L3MBTL4: variants seen among roughly 807,000 people sequenced by gnomAD.
L3MBTL4 encodes the protein lethal(3)malignant brain tumor-like protein 4.
A neutral mutation model predicts 84.5 loss-of-function variants in L3MBTL4; 70 were observed. The ratio of observed to expected loss-of-function variants is 0.83; its 90% confidence interval spans 0.68 to 1.01. L3MBTL4 has a LOEUF of 1.01. Among genes scored for constraint, L3MBTL4 ranks in the 50% least tolerant of loss-of-function variants. The probability of loss-of-function intolerance (pLI) is 0.00; values close to 1 mark genes in which losing one functional copy is unlikely to be tolerated. For synonymous variants in L3MBTL4, 274 were observed against 259.8 expected, an observed-to-expected ratio of 1.05 and a Z score of -0.52; for missense variants, 715 against 754.8, an observed-to-expected ratio of 0.95 and a Z score of 0.62.
At chr18:6,273,738 A>T (rs2048968926) in intron 4 of L3MBTL4, among the ~76,000 whole-genome samples, 1 of 152,256 alleles carries the variant, frequency 6.6e-6, no homozygotes, top group South Asian at 2.1e-4. Context: ...TCAGAAGACA[A>T]CCAACAAAGA....
At chr18:6,164,869 G>T (rs1398785386) in intron 13 of L3MBTL4, among the ~76,000 whole-genome samples, 1 of 152,156 alleles carries the variant, frequency 6.6e-6, no homozygotes, top group Non-Finnish European at 1.5e-5. Flanking sequence ...GGCTTCAGAA[G>T]ATCAAACTAC....
At chr18:6,120,517 T>C (rs1184683303) in intron 14 of L3MBTL4, among the ~76,000 whole-genome samples, 3 of 152,204 alleles carry the variant, frequency 2.0e-5, no homozygotes, top group Non-Finnish European at 4.4e-5. Flanking sequence ...TAGAACTTTA[T>C]ATAGAGTGCC....
At chr18:6,312,101 TG>T (rs1245461423) in intron 1 of L3MBTL4, 45 bp from the exon 2 acceptor site, 1 of 154,096 alleles carries the variant, frequency 6.5e-6, no homozygotes, top group African/African-American at 2.4e-5. Context: ...CAATTAATCA[TG>T]ATCATTCTTC....
intron 4 of L3MBTL4, among the ~76,000 whole-genome samples, chr18:6,294,692 C>T (rs1314582541): frequency 1.3e-5 from 2 of 151,192 alleles, no homozygotes; most frequent in East Asian, 3.9e-4. Context: ...TGCTCTGTGA[C>T]ATTGTCTTTT....
At chr18:6,319,284 G>A (rs1265098959) in intron 1 of L3MBTL4, among the ~76,000 whole-genome samples, 1 of 151,484 alleles carries the variant, frequency 6.6e-6, no homozygotes, top group African/African-American at 2.4e-5. Context: ...AGAACTAAGT[G>A]AAATAGAAAC....
chr18:6,367,897 C>A (rs762958098), intron 1 of L3MBTL4, among the ~76,000 whole-genome samples: 5 of 152,170 alleles, frequency 3.3e-5, no homozygotes, highest in African/African-American at 4.8e-5. Context: ...ATAGTAGAAT[C>A]ATTCCCATTT....
chr18:6,081,410 A>T (rs1192419026), intron 15 of L3MBTL4: 1 of 152,674 alleles, frequency 6.5e-6, no homozygotes, highest in African/African-American at 2.4e-5. Context: ...ATTAACTTTT[A>T]AAATGCTGCA....
chr18:6,150,843 C>T (rs1234586117), intron 13 of L3MBTL4, among the ~76,000 whole-genome samples: 3 of 152,166 alleles, frequency 2.0e-5, no homozygotes, highest in Non-Finnish European at 2.9e-5. Context: ...TAAAAATGTT[C>T]GCTGGCACCT....
intron 1 of L3MBTL4, among the ~76,000 whole-genome samples, chr18:6,382,703 A>G (rs1315030520): frequency 6.6e-6 from 1 of 152,140 alleles, no homozygotes; most frequent in Admixed American, 6.5e-5. Context: ...CCAAAGGGGC[A>G]CCTGCCAGAT....
chr18:5,962,836 A>T (rs1341843914), intron 17 of L3MBTL4, among the ~76,000 whole-genome samples: 1 of 152,158 alleles, frequency 6.6e-6, no homozygotes, highest in African/African-American at 2.4e-5. Context: ...CAACCTCAAT[A>T]CTGACACCTC....
chr18:6,044,274 C>A (rs965774043), intron 16 of L3MBTL4, among the ~76,000 whole-genome samples: 1 of 152,150 alleles, frequency 6.6e-6, no homozygotes. Context: ...TGATATACAG[C>A]ACTAGTTCTC....
intron 5 of L3MBTL4, among the ~76,000 whole-genome samples, chr18:6,245,754 C>T (rs2047635675): frequency 6.6e-6 from 1 of 151,940 alleles, no homozygotes; most frequent in South Asian, 2.1e-4. Context: ...TACGGCCTGG[C>T]TAATTTTTGT....
intron 16 of L3MBTL4, among the ~76,000 whole-genome samples, chr18:6,020,153 G>T (rs1175513350): frequency 2.0e-5 from 3 of 152,170 alleles, no homozygotes; most frequent in African/African-American, 7.2e-5. Flanking sequence ...GGGATTATAG[G>T]ATTTATGAGA....
At chr18:6,224,159 G>A (rs932264128) in intron 10 of L3MBTL4, among the ~76,000 whole-genome samples, 15 of 152,144 alleles carry the variant, frequency 9.9e-5, no homozygotes, top group Admixed American at 4.6e-4. Flanking sequence ...GCCCCAAGGC[G>A]AACAGGTAAA....
intron 16 of L3MBTL4, among the ~76,000 whole-genome samples, chr18:5,974,973 T>C (rs1011217842): frequency 6.9e-6 from 1 of 145,212 alleles, no homozygotes. Context: ...ATTGTTTTGT[T>C]TTTTTTTTTT....
At chr18:6,032,384 T>TCACACA (rs2055860988) in intron 16 of L3MBTL4, 1 of 427,410 alleles carries the variant, frequency 2.3e-6, no homozygotes, top group Non-Finnish European at 2.9e-6. Flanking sequence ...ATGAAATATG[T>TCACACA]TACACACACA....
At chr18:6,398,952 C>G (rs1472838103) in intron 1 of L3MBTL4, among the ~76,000 whole-genome samples, 17 of 152,190 alleles carry the variant, frequency 1.1e-4, no homozygotes, top group Admixed American at 1.1e-3. Flanking sequence ...GTTTGTCCAG[C>G]AATCCAAAAA....
In L3MBTL4 at chr18:6,306,112, A is replaced by G. The variant is rs557075305; in HGVS notation, c.73-4155T>C. ...GGACTGTAGAAAACAGTGAAATCCTATTTAATAACCCCAGTGACAAACTGC... is the reference window on the plus strand; with the variant it reads ...GGACTGTAGAAAACAGTGAAATCCTGTTTAATAACCCCAGTGACAAACTGC... On this transcript the variant is annotated intron_variant, in intron 3 of 18. Coordinates refer to ENST00000317931, the MANE Select transcript of L3MBTL4 (RefSeq NM_001330559.2). 9.2e-5 allele frequency among the ~76,000 whole-genome samples: 14 copies of G among 152,362 alleles called. No homozygotes were observed. In the East Asian group the frequency reaches 2.7e-3, roughly 29 times the overall value.
At chr18:6,336,997 T>C (rs2052370727) in intron 1 of L3MBTL4, among the ~76,000 whole-genome samples, 1 of 152,160 alleles carries the variant, frequency 6.6e-6, no homozygotes. Flanking sequence ...ATTCTAGAAC[T>C]GGAAAATACA....
Sources: allele counts gnomAD v4.1 joint callset (sites outside exome capture counted in the v4.1 genomes callset), GRCh38; gene constraint gnomAD v4.1.1; transcripts MANE v1.5; gene names NCBI Gene and HGNC (gene_info 2026-07-23, HGNC 2026-07-21).